The following CRACDL variants were observed in gnomAD, a reference collection of about 807,000 sequenced individuals.
The protein encoded by CRACDL is CRACD like.
Under a neutral mutation model 70.6 loss-of-function variants are expected in CRACDL, and 26 were observed. The ratio of observed to expected loss-of-function variants is 0.37; its 90% confidence interval spans 0.27 to 0.51. The LOEUF is 0.51. Among genes scored for constraint, CRACDL ranks in the 20% least tolerant of loss-of-function variants. The pLI is 0.94. For synonymous variants in CRACDL, 618 were observed against 615.2 expected, an observed-to-expected ratio of 1.00 and a Z score of -0.07; for missense variants, 1,283 against 1,376.9, an observed-to-expected ratio of 0.93 and a Z score of 1.08.
At chr2:98,891,376 CAAAAAAAAAAAAAA>C (rs548988640) in intron 1 of CRACDL, among the ~76,000 whole-genome samples, 3 of 37,902 alleles carry the variant, frequency 7.9e-5, no homozygotes, top group Admixed American at 5.6e-4. Context: ...GACTCCGTCT[CAAAAAAAAAAAAAA>C]AAAAAAAAAA....
chr2:98,933,335 G>A (rs974334419), intron 1 of CRACDL, among the ~76,000 whole-genome samples: 42 of 152,166 alleles, frequency 2.8e-4, no homozygotes, highest in African/African-American at 1.0e-3. Context: ...GACTTGTAGC[G>A]AAAAGGGGTC....
At chr2:98,934,396 C>CGTT (rs1709158149) in intron 1 of CRACDL, among the ~76,000 whole-genome samples, 1 of 151,984 alleles carries the variant, frequency 6.6e-6, no homozygotes, top group South Asian at 2.1e-4. Flanking sequence ...GGCTTCACCA[C>CGTT]GTTGGCCAGA....
intron 7 of CRACDL, among the ~76,000 whole-genome samples, chr2:98,814,072 T>C (rs1407493463): frequency 2.0e-5 from 3 of 152,228 alleles, no homozygotes; most frequent in Non-Finnish European, 2.9e-5. Flanking sequence ...GTGTCTTTTT[T>C]CCCCTCAGTT....
chr2:98,923,270 CA>C (rs1188228876), intron 1 of CRACDL, among the ~76,000 whole-genome samples: 9,371 of 75,484 alleles, frequency 0.12, 357 homozygotes, highest in African/African-American at 0.23. Flanking sequence ...GACACTGTCT[CA>C]AAAAAAAAAA....
chr2:98,882,570 G>A (rs1434483513), intron 1 of CRACDL, among the ~76,000 whole-genome samples: 1 of 152,222 alleles, frequency 6.6e-6, no homozygotes, highest in African/African-American at 2.4e-5. Context: ...GGACTCTGTT[G>A]GGAGTCCTGG....
At chr2:98,831,413 A>C (rs937186167) in intron 5 of CRACDL, among the ~76,000 whole-genome samples, 6 of 152,216 alleles carry the variant, frequency 3.9e-5, no homozygotes, top group African/African-American at 1.4e-4. Flanking sequence ...CAGAATCTGC[A>C]AGGCAGTGAG....
At chr2:98,813,652 T>C (rs1704665251) in intron 7 of CRACDL, among the ~76,000 whole-genome samples, 7 of 152,198 alleles carry the variant, frequency 4.6e-5, no homozygotes, top group Admixed American at 4.6e-4. Context: ...ATATAGTATC[T>C]CTGAATTTAG....
rs201156126 is a variant in CRACDL at position 98,796,294 on chromosome 2, G to T, written c.2605-30C>A. The T allele has an allele frequency of 1.5e-3, 2,470 of 1,603,976 alleles. 6 individuals carry two copies. Among genetic ancestry groups the T allele is most frequent in the Non-Finnish European group, 1.7e-3 (2,027 of 1,171,242 alleles). ...TGGGACATAAGACACATGCTGCCAAGTTAACAATGATTCAGACAGGGGCAA... is the reference window on the plus strand; with the variant it reads ...TGGGACATAAGACACATGCTGCCAATTTAACAATGATTCAGACAGGGGCAA... On this transcript the variant is annotated intron_variant, in intron 8 of 9. Transcript: ENST00000397899.
Position 98,822,914 on chromosome 2 carries a change from G to A in CRACDL, c.1359C>T (p.Pro453=), listed in dbSNP as rs1187036583. ...TCTCGGGCTCAGGCGCCGGCCCTGG[G>A]GGCCCCTTCTCCTCATCCGGGAGCA... The part of the protein sequence containing the change: ...PPVLPDEEKG[P]PGPAPEPERE... The change falls in exon 7 of 10, where the codon CCC becomes CCT. Residue 453 remains proline, a synonymous_variant. Transcript: ENST00000397899. This position sits in a 1 kb window ranked among gnomAD's most constrained non-coding sequence, Gnocchi z 4.9. The A allele has an allele frequency of 4.7e-6, 7 of 1,473,946 alleles. No individual in the cohort carries two copies. The highest frequency in any genetic ancestry group is 2.7e-5 in the East Asian group (1 of 37,306). The allele number at this position is 1,473,946 out of a possible 1,614,324, so 91.3% of individuals were successfully genotyped here.
intron 1 of CRACDL, among the ~76,000 whole-genome samples, chr2:98,859,234 A>G (rs148729787): frequency 1.3e-5 from 2 of 152,192 alleles, no homozygotes; most frequent in African/African-American, 4.8e-5. Context: ...AATTCTCAAC[A>G]CAATACTAGC....
intron 1 of CRACDL, among the ~76,000 whole-genome samples, chr2:98,849,348 A>T (rs900580848): frequency 7.2e-5 from 11 of 152,326 alleles, no homozygotes; most frequent in African/African-American, 2.6e-4. Flanking sequence ...TCATGTGGAC[A>T]CCTTGCAAAT....
intron 1 of CRACDL, among the ~76,000 whole-genome samples, chr2:98,855,141 A>AT (rs1474044945): frequency 1.3e-5 from 2 of 152,108 alleles, no homozygotes; most frequent in Admixed American, 1.3e-4. Context: ...TTAGCTGGGC[A>AT]TGGTGGCGCA....
chr2:98,831,841 G>A (rs536782662), intron 5 of CRACDL, among the ~76,000 whole-genome samples: 1 of 152,202 alleles, frequency 6.6e-6, no homozygotes, highest in African/African-American at 2.4e-5. Context: ...TCTCTTGCTT[G>A]TCAACCTTTC....
intron 1 of CRACDL, among the ~76,000 whole-genome samples, chr2:98,848,848 A>G (rs747780465): frequency 6.6e-6 from 1 of 152,226 alleles, no homozygotes; most frequent in Non-Finnish European, 1.5e-5. Flanking sequence ...TTGGCCTCCC[A>G]AAGTGCTTGG....
chr2:98,835,414 C>A (rs369498215), intron 3 of CRACDL, among the ~76,000 whole-genome samples: 4 of 152,258 alleles, frequency 2.6e-5, no homozygotes, highest in African/African-American at 9.6e-5. Flanking sequence ...ACCAAATAAA[C>A]CTGAGATTTC....
chr2:98,797,950 T>G (rs930196634), intron 7 of CRACDL, among the ~76,000 whole-genome samples: 3 of 152,204 alleles, frequency 2.0e-5, no homozygotes, highest in African/African-American at 7.2e-5. Flanking sequence ...TTCTAAAAAC[T>G]GTGAGCATAA....
In CRACDL at chr2:98,822,378, A is replaced by G. The variant is rs1016576869; in HGVS notation, c.1895T>C (p.Leu632Pro). 4.6e-5 allele frequency: 68 copies of G among 1,472,976 alleles called. No homozygotes were observed. Among genetic ancestry groups the G allele is most frequent in the Non-Finnish European group, 6.0e-5 (67 of 1,121,436 alleles). 91.2% of individuals were successfully genotyped at this position (1,472,976 alleles called of 1,614,324 possible). A position where few individuals can be genotyped will look rare whatever the true frequency, so the allele number is the denominator to read the frequency against. ...PQHAKPGPRK[L>P]AERGPQDSGD... ...CGAGTCCTGAGGGCCGCGCTCCGCC[A>G]GCTTCCGAGGGCCAGGTTTCGCGTG... The change falls in exon 7 of 10, where the codon CTG becomes CCG. Residue 632 changes from leucine (L) to proline (P), a missense_variant. Coordinates refer to ENST00000397899, the MANE Select transcript of CRACDL (RefSeq NM_207362.3). This position sits in a 1 kb window ranked among gnomAD's most constrained non-coding sequence, Gnocchi z 4.9.
chr2:98,845,160 T>C (rs896824052), intron 2 of CRACDL, among the ~76,000 whole-genome samples: 1 of 151,870 alleles, frequency 6.6e-6, no homozygotes, highest in Non-Finnish European at 1.5e-5. Flanking sequence ...CTGTTGTCTC[T>C]CCAGGTTGCC....
chr2:98,921,406 A>G (rs1418609180), intron 1 of CRACDL, among the ~76,000 whole-genome samples: 2 of 152,228 alleles, frequency 1.3e-5, no homozygotes, highest in Non-Finnish European at 2.9e-5. Flanking sequence ...GAGGAAACCA[A>G]CACTGGGCAG....
Sources: gnomAD v4.1 joint callset for allele counts (sites outside exome capture counted in the v4.1 genomes callset) on GRCh38, gnomAD v4.1.1 for gene constraint, Gnocchi (gnomAD v3.1) non-coding constraint, MANE v1.5 for transcripts, NCBI Gene and HGNC (gene_info 2026-07-23, HGNC 2026-07-21) for gene names.